The following INSL6 variants were observed in gnomAD, a reference collection of about 807,000 sequenced individuals.
INSL6 encodes the protein insulin like 6.
Under a neutral mutation model 9.4 loss-of-function variants are expected in INSL6, and 16 were observed. The observed-to-expected ratio is 1.70, with a 90% CI of 1.15 to 2.59. INSL6 has a LOEUF of 2.59. Among genes scored for constraint, INSL6 ranks in the 30% most tolerant of loss-of-function variants. The pLI, the probability that INSL6 is intolerant of heterozygous loss-of-function variation, is 0.00. For synonymous variants in INSL6, 154 were observed against 96.9 expected (o/e 1.59, Z -3.46); for missense variants, 391 against 257.3 (o/e 1.52, Z -3.56).
At chr9:5,101,300 C>T in the INSL6 span, among the ~76,000 whole-genome samples, 1 of 152,324 alleles carries the variant, frequency 6.6e-6, no homozygotes, top group East Asian at 1.9e-4. Context: ...GCCTAAGATC[C>T]ACCCGTGAGG....
chr9:5,081,840 A>G, the INSL6 span: 1 of 1,613,610 alleles, frequency 6.2e-7, no homozygotes, highest in Non-Finnish European at 8.5e-7. Context: ...GACATTTGAA[A>G]TTTCTACAGC....
the INSL6 span, among the ~76,000 whole-genome samples, chr9:5,088,340 T>C: frequency 1.3e-5 from 2 of 152,214 alleles, no homozygotes; most frequent in Non-Finnish European, 2.9e-5. Context: ...ACTTCAAGTA[T>C]ATAACTGAAA....
At chr9:5,009,199 A>C in the INSL6 span, among the ~76,000 whole-genome samples, 14 of 152,228 alleles carry the variant, frequency 9.2e-5, no homozygotes, top group Non-Finnish European at 1.9e-4. Context: ...AGGCTCAGAC[A>C]TCAGCAGGTG....
At chr9:5,111,281 C>T in the INSL6 span, 2 of 482,866 alleles carry the variant, frequency 4.1e-6, no homozygotes, top group African/African-American at 1.9e-5. Context: ...CTCAGGCTGG[C>T]TTCCTGCCGG....
At chr9:5,117,948 A>T in the INSL6 span, among the ~76,000 whole-genome samples, 1 of 152,196 alleles carries the variant, frequency 6.6e-6, no homozygotes, top group East Asian at 1.9e-4. Flanking sequence ...AATTTAGAAA[A>T]ACCACATCCT....
At chr9:5,072,414 C>T in the INSL6 span, 1 of 1,086,806 alleles carries the variant, frequency 9.2e-7, no homozygotes, top group Non-Finnish European at 1.3e-6. Flanking sequence ...AAAATTCTTC[C>T]TCATTGAATG....
chr9:5,080,707 G>C, the INSL6 span: 16 of 1,488,680 alleles, frequency 1.1e-5, no homozygotes, highest in Non-Finnish European at 1.2e-5. Context: ...TGATCTTATT[G>C]ATTTTCCAGC....
chr9:5,000,141 A>T, the INSL6 span, among the ~76,000 whole-genome samples: 3 of 151,876 alleles, frequency 2.0e-5, no homozygotes, highest in Non-Finnish European at 4.4e-5. Context: ...CCTTTGTAGT[A>T]TATATTTTTT....
the INSL6 span, chr9:5,114,649 C>A: frequency 2.2e-6 from 1 of 463,930 alleles, no homozygotes; most frequent in Non-Finnish European, 4.2e-6. Flanking sequence ...ATGACGCAGC[C>A]CCGCAAAACC....
the INSL6 span, among the ~76,000 whole-genome samples, chr9:5,075,778 T>C: frequency 2.6e-5 from 4 of 152,196 alleles, no homozygotes; most frequent in African/African-American, 9.7e-5. Flanking sequence ...TCAAGTCTTA[T>C]TATCTAAGAA....
chr9:5,043,145 A>AG, the INSL6 span, among the ~76,000 whole-genome samples: 2 of 152,294 alleles, frequency 1.3e-5, no homozygotes, highest in East Asian at 3.9e-4. Context: ...GTGTATGTGC[A>AG]GGGGGGTCTG....
chr9:5,131,201 A>G (rs1208119441), intron 3 of INSL6, among the ~76,000 whole-genome samples: 1 of 152,184 alleles, frequency 6.6e-6, no homozygotes, highest in Non-Finnish European at 1.5e-5. Flanking sequence ...TGAAGTATAC[A>G]TATCATACTT....
the INSL6 span, chr9:5,069,005 T>C: frequency 6.9e-7 from 1 of 1,455,968 alleles, no homozygotes; most frequent in Middle Eastern, 2.0e-4. Flanking sequence ...CCTTTCTTTA[T>C]AATTAAACTT....
chr9:5,048,254 G>A, the INSL6 span, among the ~76,000 whole-genome samples: 1 of 151,872 alleles, frequency 6.6e-6, no homozygotes, highest in African/African-American at 2.4e-5. Flanking sequence ...TGATTCTCCT[G>A]ACTCAGCCTC....
the INSL6 span, chr9:5,094,581 T>A: frequency 6.6e-6 from 1 of 152,176 alleles, no homozygotes; most frequent in East Asian, 1.9e-4. Context: ...AATGCCAGAA[T>A]TACTCTGACC....
In INSL6 at chr9:5,143,862, GT is replaced by G. The variant is rs763052946; in HGVS notation, c.377-10271del. ...TGTAGTAGAGACAGGGTTTCACCATGTTGGCCATGCTGGTCTCGAACTCCTG... is the reference window on the plus strand; with the variant it reads ...TGTAGTAGAGACAGGGTTTCACCATGTGGCCATGCTGGTCTCGAACTCCTG... On this transcript the variant is annotated intron_variant, in intron 2 of 3. Transcript: ENST00000649639. Among the ~76,000 whole-genome samples, 100 of 151,430 alleles carry G rather than the reference GT, an allele frequency of 6.6e-4. No individual in the cohort carries two copies. The Middle Eastern group carries it at 0.031, about 47-fold the overall frequency.
the INSL6 span, among the ~76,000 whole-genome samples, chr9:5,064,404 C>T: frequency 1.3e-5 from 2 of 151,892 alleles, no homozygotes; most frequent in Admixed American, 1.3e-4. Flanking sequence ...GCGGCATATG[C>T]CTGTAATCCC....
the INSL6 span, chr9:5,077,374 A>C: frequency 2.0e-6 from 1 of 491,066 alleles, no homozygotes; most frequent in East Asian, 4.3e-5. Context: ...GGTCACATGT[A>C]AGTATAAAGA....
chr9:5,184,502 C>A (rs967922544), intron 1 of INSL6, among the ~76,000 whole-genome samples: 2 of 152,120 alleles, frequency 1.3e-5, no homozygotes, highest in Non-Finnish European at 2.9e-5. Context: ...ATAAATTCAG[C>A]GCATATTAAA....
Sources: gnomAD v4.1 joint callset for allele counts (sites outside exome capture counted in the v4.1 genomes callset) on GRCh38, gnomAD v4.1.1 for gene constraint, MANE v1.5 for transcripts, NCBI Gene and HGNC (gene_info 2026-07-23, HGNC 2026-07-21) for gene names.